The following RAB38 variants were observed in gnomAD, a reference collection of about 807,000 sequenced individuals.
RAB38 encodes the protein ras-related protein Rab-38.
A neutral mutation model predicts 18.4 loss-of-function variants in RAB38; 15 were observed. The observed-to-expected ratio is 0.82, with a 90% CI of 0.55 to 1.26. The LOEUF (loss-of-function observed/expected upper bound fraction) is 1.26, where lower values mean the gene tolerates loss of function less well. Ranked by LOEUF, RAB38 falls within the 50% of genes most tolerant of loss-of-function variation. The probability of loss-of-function intolerance (pLI) is 0.00; values close to 1 mark genes in which losing one functional copy is unlikely to be tolerated. For missense variants in RAB38, 294 were observed against 267.4 expected, an observed-to-expected ratio of 1.10 and a Z score of -0.69; for synonymous variants, 101 against 104.4, an observed-to-expected ratio of 0.97 and a Z score of 0.20.
the RAB38 span, among the ~76,000 whole-genome samples, chr11:88,020,548 A>G: frequency 1.3e-5 from 2 of 152,182 alleles, no homozygotes. Context: ...GGTATCCCAG[A>G]CAGAAACTCA....
At chr11:87,955,616 A>AAACTT in the RAB38 span, among the ~76,000 whole-genome samples, 1 of 152,316 alleles carries the variant, frequency 6.6e-6, no homozygotes, top group East Asian at 1.9e-4. Context: ...ACTATAAGCC[A>AAACTT]AACTTAAATG....
At chr11:88,131,176 G>A (rs1041408552) in intron 2 of RAB38, among the ~76,000 whole-genome samples, 1 of 152,084 alleles carries the variant, frequency 6.6e-6, no homozygotes. Context: ...GTATTGTTCA[G>A]TTATTAAAAA....
chr11:87,807,045 T>C, the RAB38 span, among the ~76,000 whole-genome samples: 1 of 152,170 alleles, frequency 6.6e-6, no homozygotes, highest in African/African-American at 2.4e-5. Flanking sequence ...CAGTGGGGTA[T>C]TAGATTCTCA....
the RAB38 span, among the ~76,000 whole-genome samples, chr11:88,023,473 C>A: frequency 6.6e-6 from 1 of 151,720 alleles, no homozygotes; most frequent in Non-Finnish European, 1.5e-5. Flanking sequence ...TCCATATTAC[C>A]CATAGCAATA....
At chr11:87,976,797 C>T in the RAB38 span, among the ~76,000 whole-genome samples, 6 of 69,550 alleles carry the variant, frequency 8.6e-5, no homozygotes, top group East Asian at 4.0e-4. Context: ...ATAATATATA[C>T]TTATAATATA....
At chr11:88,018,116 G>C in the RAB38 span, among the ~76,000 whole-genome samples, 6 of 151,964 alleles carry the variant, frequency 3.9e-5, no homozygotes, top group Non-Finnish European at 1.5e-5. Context: ...CCTAGTCTTC[G>C]GTATATCTTT....
the RAB38 span, among the ~76,000 whole-genome samples, chr11:87,867,498 A>G: frequency 6.6e-6 from 1 of 151,918 alleles, no homozygotes; most frequent in Admixed American, 6.6e-5. Flanking sequence ...ACAACTATTC[A>G]TAGGCTTTTC....
At chr11:88,042,574 T>C in the RAB38 span, among the ~76,000 whole-genome samples, 1 of 151,886 alleles carries the variant, frequency 6.6e-6, no homozygotes, top group African/African-American at 2.4e-5. Flanking sequence ...AGCCAGAGAG[T>C]GTGCAAGGGA....
chr11:88,169,914 C>T (rs1204415365), intron 1 of RAB38, among the ~76,000 whole-genome samples: 2 of 152,092 alleles, frequency 1.3e-5, no homozygotes, highest in Admixed American at 1.3e-4. Context: ...AATTATTATC[C>T]TTCTTTGTTT....
the RAB38 span, among the ~76,000 whole-genome samples, chr11:87,842,382 G>T: frequency 6.6e-6 from 1 of 152,118 alleles, no homozygotes; most frequent in Non-Finnish European, 1.5e-5. Context: ...CAGGAGACAA[G>T]TTGAAATTCT....
the RAB38 span, among the ~76,000 whole-genome samples, chr11:87,926,185 G>T: frequency 6.6e-6 from 1 of 151,916 alleles, no homozygotes; most frequent in Admixed American, 6.6e-5. Context: ...TGACTGTCAT[G>T]ATTGTCAACC....
the RAB38 span, among the ~76,000 whole-genome samples, chr11:87,958,537 G>C: frequency 6.6e-6 from 1 of 152,100 alleles, no homozygotes; most frequent in African/African-American, 2.4e-5. Flanking sequence ...GCAATGTTAT[G>C]ATACACCTAG....
chr11:88,173,780 C>G, intron 1 of RAB38: 1 of 985,394 alleles, frequency 1.0e-6, no homozygotes, highest in Non-Finnish European at 1.2e-6. Flanking sequence ...TGATAACCCC[C>G]TTGCTACTAG....
chr11:87,905,227 T>C, the RAB38 span, among the ~76,000 whole-genome samples: 3 of 151,926 alleles, frequency 2.0e-5, no homozygotes, highest in Middle Eastern at 3.4e-3. Flanking sequence ...TCATAATTTG[T>C]ATTTTTCTAT....
chr11:87,961,939 T>C, the RAB38 span, among the ~76,000 whole-genome samples: 1 of 152,136 alleles, frequency 6.6e-6, no homozygotes, highest in Admixed American at 6.6e-5. Context: ...GGATCAAGAC[T>C]TTAGTGAGAA....
At chr11:87,871,722 T>C in the RAB38 span, among the ~76,000 whole-genome samples, 1 of 151,568 alleles carries the variant, frequency 6.6e-6, no homozygotes, top group South Asian at 2.1e-4. Flanking sequence ...TTCTAACTGC[T>C]AACACCATGA....
At chr11:87,960,834 CCCTAAG>C in the RAB38 span, among the ~76,000 whole-genome samples, 1 of 152,164 alleles carries the variant, frequency 6.6e-6, no homozygotes, top group Non-Finnish European at 1.5e-5. Context: ...ACCCAGACAT[CCCTAAG>C]CCTGTTTTGC....
chr11:88,049,377 C>A, the RAB38 span, among the ~76,000 whole-genome samples: 1 of 152,088 alleles, frequency 6.6e-6, no homozygotes, highest in Non-Finnish European at 1.5e-5. Flanking sequence ...TTGTGAAATT[C>A]CTTTTCCTGG....
the RAB38 span, among the ~76,000 whole-genome samples, chr11:88,082,720 A>G: frequency 6.6e-6 from 1 of 151,898 alleles, no homozygotes; most frequent in East Asian, 1.9e-4. Flanking sequence ...ACTTCATTGA[A>G]GGCATCCAGA....
Sources: allele counts gnomAD v4.1 joint callset (sites outside exome capture counted in the v4.1 genomes callset), GRCh38; gene constraint gnomAD v4.1.1; transcripts MANE v1.5; gene names NCBI Gene and HGNC (gene_info 2026-07-23, HGNC 2026-07-21).